Variants in ZRANB3 observed in about 807,000 individuals in gnomAD.
ZRANB3 encodes zinc finger RANBP2-type containing 3.
A neutral mutation model predicts 133.8 loss-of-function variants in ZRANB3; 125 were observed. The observed-to-expected ratio is 0.93, with a 90% CI of 0.81 to 1.08. The LOEUF is 1.08. Ranked by LOEUF, ZRANB3 falls within the 50% of genes least tolerant of loss-of-function variation. The probability of loss-of-function intolerance (pLI) is 0.00; values close to 1 mark genes in which losing one functional copy is unlikely to be tolerated. For missense variants in ZRANB3, 1,229 were observed against 1,275.5 expected (o/e 0.96, Z 0.56); for synonymous variants, 387 against 432.7 (o/e 0.89, Z 1.31).
chr2:135,336,713 T>C (rs1163785713), intron 6 of ZRANB3, among the ~76,000 whole-genome samples: 1 of 152,142 alleles, frequency 6.6e-6, no homozygotes, highest in Non-Finnish European at 1.5e-5. Flanking sequence ...AGGCATTAAG[T>C]AAGAAAGAGA....
chr2:135,269,096 A>G lies in ZRANB3; in HGVS notation c.1252T>C (p.Tyr418His). 1 of 1,611,482 alleles carries G rather than the reference A, an allele frequency of 6.2e-7. No homozygotes were observed. The highest frequency in any genetic ancestry group is 8.5e-7 in the Non-Finnish European group (1 of 1,179,252). The change falls in exon 11 of 21, where the codon TAC becomes CAC. Residue 418 changes from tyrosine (Y) to histidine (H), a missense_variant. Coordinates refer to ENST00000264159, the MANE Select transcript of ZRANB3 (RefSeq NM_032143.4). The stretch of plus-strand genomic sequence containing the variant: ...TGTTTTATATGTCCAGGGTCCCAGT[A>G]CAACTCAGCAAATACAACATGACTT... The part of the protein sequence containing the change: ...AASHVVFAEL[Y>H]WDPGHIKQAE...
chr2:135,450,947 G>C (rs190540029), intron 2 of ZRANB3, among the ~76,000 whole-genome samples: 1 of 152,188 alleles, frequency 6.6e-6, no homozygotes, highest in African/African-American at 2.4e-5. Context: ...GCATGCCAGT[G>C]AGCAAACTAC....
chr2:135,484,635 G>A (rs1177865098), intron 2 of ZRANB3, among the ~76,000 whole-genome samples: 3 of 149,226 alleles, frequency 2.0e-5, no homozygotes, highest in Non-Finnish European at 4.4e-5. Flanking sequence ...ATCTCAAATG[G>A]CAAAACAAAA....
At chr2:135,233,848 T>G (rs1294949122) in intron 12 of ZRANB3, among the ~76,000 whole-genome samples, 2 of 152,070 alleles carry the variant, frequency 1.3e-5, no homozygotes, top group Non-Finnish European at 1.5e-5. Flanking sequence ...CATGCCAAAT[T>G]GTAAAGACCA....
chr2:135,402,034 A>G (rs1197199541), intron 2 of ZRANB3, among the ~76,000 whole-genome samples: 1 of 151,950 alleles, frequency 6.6e-6, no homozygotes, highest in African/African-American at 2.4e-5. Flanking sequence ...AAAATTTTTC[A>G]TATTTTGAAA....
At chr2:135,451,370 T>C (rs933634660) in intron 2 of ZRANB3, among the ~76,000 whole-genome samples, 4 of 151,972 alleles carry the variant, frequency 2.6e-5, no homozygotes, top group African/African-American at 7.3e-5. Context: ...AAGAGTAGCC[T>C]GGCCAACATG....
intron 3 of ZRANB3, 53 bp from the exon 4 acceptor site, chr2:135,353,681 GAAA>G: frequency 1.7e-6 from 2 of 1,176,032 alleles, no homozygotes; most frequent in Non-Finnish European, 2.2e-6. Context: ...TATTTTAAAA[GAAA>G]ATATTTATCA....
chr2:135,434,069 G>A (rs893759140), intron 2 of ZRANB3, among the ~76,000 whole-genome samples: 4 of 152,188 alleles, frequency 2.6e-5, no homozygotes, highest in Non-Finnish European at 5.9e-5. Flanking sequence ...GGCTGAGGCA[G>A]GAGAATCGCT....
intron 2 of ZRANB3, among the ~76,000 whole-genome samples, chr2:135,443,389 G>C (rs13019370): frequency 1.3e-5 from 2 of 148,986 alleles, no homozygotes; most frequent in Non-Finnish European, 3.0e-5. Flanking sequence ...GTCAGGGGGT[G>C]GGGGGCTGGG....
At chr2:135,509,041 TA>T (rs1559045567) in intron 1 of ZRANB3, among the ~76,000 whole-genome samples, 1 of 151,622 alleles carries the variant, frequency 6.6e-6, no homozygotes, top group East Asian at 1.9e-4. Context: ...ATACATAATT[TA>T]AAAAAAAATT....
chr2:135,326,339 G>A (rs187095723), intron 6 of ZRANB3, among the ~76,000 whole-genome samples: 19 of 152,040 alleles, frequency 1.2e-4, no homozygotes, highest in Non-Finnish European at 2.4e-4. Flanking sequence ...AAATTTTGGC[G>A]CACCCATCAC....
chr2:135,417,450 G>T (rs1468588413), intron 2 of ZRANB3, among the ~76,000 whole-genome samples: 3 of 152,024 alleles, frequency 2.0e-5, no homozygotes, highest in Non-Finnish European at 4.4e-5. Flanking sequence ...TCATTAAAAA[G>T]TCAGGAAACA....
chr2:135,467,293 A>G (rs1423588733), intron 2 of ZRANB3, among the ~76,000 whole-genome samples: 2 of 152,172 alleles, frequency 1.3e-5, no homozygotes, highest in East Asian at 3.9e-4. Flanking sequence ...CTCCTTGTCC[A>G]TATCTACAGT....
chr2:135,342,677 T>C lies in ZRANB3; in HGVS notation c.677+2873A>G, dbSNP rs1468382786. 2.0e-5 allele frequency among the ~76,000 whole-genome samples: 3 copies of C among 149,296 alleles called. 1 individual carries two copies. The highest frequency in any genetic ancestry group is 7.7e-5 in the African/African-American group (3 of 38,796). On this transcript the variant is annotated intron_variant, in intron 6 of 20. Transcript: ENST00000264159. ...TTAGCCTCATATCCTCTTATTGTTC[T>C]TTTGAGTAATTGAATTATCAGTTCT... is the stretch of plus-strand genomic sequence containing the variant.
At chr2:135,458,793 G>A (rs1036700986) in intron 2 of ZRANB3, among the ~76,000 whole-genome samples, 2 of 152,066 alleles carry the variant, frequency 1.3e-5, no homozygotes, top group African/African-American at 4.8e-5. Flanking sequence ...GAGTTGTAGG[G>A]TGATATGTGC....
chr2:135,416,421 A>T (rs1367578001), intron 2 of ZRANB3, among the ~76,000 whole-genome samples: 6 of 152,120 alleles, frequency 3.9e-5, no homozygotes, highest in Non-Finnish European at 5.9e-5. Context: ...GGACCTCTTC[A>T]AGGAGAACTA....
intron 2 of ZRANB3, among the ~76,000 whole-genome samples, chr2:135,396,628 T>G (rs916754826): frequency 6.6e-6 from 1 of 152,026 alleles, no homozygotes; most frequent in African/African-American, 2.4e-5. Flanking sequence ...ACTGAACTCA[T>G]GGAGATAGAG....
intron 2 of ZRANB3, among the ~76,000 whole-genome samples, chr2:135,432,507 CTAATAA>C (rs1205881797): frequency 3.9e-5 from 6 of 152,046 alleles, no homozygotes; most frequent in African/African-American, 7.2e-5. Flanking sequence ...GAAAGACTTC[CTAATAA>C]TAATAACACA....
At position 135,406,407 on chromosome 2, in the gene ZRANB3, G is replaced by C. The variant is rs539373943; in HGVS notation, c.162-15587C>G. ...CTACCAGAGGTACAACGAGGAGCTG[G>C]TACCATTCCTTCTGAAACTATTCCA... On this transcript the variant is annotated intron_variant, in intron 2 of 20. Transcript: ENST00000264159. 1.4e-4 allele frequency among the ~76,000 whole-genome samples: 22 copies of C among 152,278 alleles called. No homozygotes were observed. In the East Asian group the frequency reaches 3.3e-3, roughly 23 times the overall value.
Sources: gnomAD v4.1 joint callset for allele counts (sites outside exome capture counted in the v4.1 genomes callset) on GRCh38, gnomAD v4.1.1 for gene constraint, MANE v1.5 for transcripts, NCBI Gene and HGNC (gene_info 2026-07-23, HGNC 2026-07-21) for gene names.